The following PRDM11 variants were observed in gnomAD, a reference collection of about 807,000 sequenced individuals.
PRDM11 encodes PR domain-containing protein 11.
A neutral mutation model predicts 97.8 loss-of-function variants in PRDM11; 20 were observed. That is an observed-to-expected ratio of 0.20 (90% CI 0.14 to 0.30). PRDM11 has a LOEUF of 0.30. Among genes scored for constraint, PRDM11 ranks in the 10% least tolerant of loss-of-function variants. The pLI is 1.00. For synonymous variants in PRDM11, 599 were observed against 637.7 expected, an observed-to-expected ratio of 0.94 and a Z score of 0.91; for missense variants, 1,139 against 1,555.2, an observed-to-expected ratio of 0.73 and a Z score of 4.50.
chr11:45,105,535 G>A (rs1199193133), intron 1 of PRDM11, among the ~76,000 whole-genome samples: 1 of 152,232 alleles, frequency 6.6e-6, no homozygotes, highest in Non-Finnish European at 1.5e-5. Context: ...CCTCATCACT[G>A]TGAGAGGGCC....
intron 1 of PRDM11, among the ~76,000 whole-genome samples, chr11:45,108,426 T>C (rs192592015): frequency 3.9e-5 from 6 of 152,298 alleles, no homozygotes; most frequent in Admixed American, 3.9e-4. Flanking sequence ...CTTCTGGGGT[T>C]AAATATTTCA....
In PRDM11 at chr11:45,229,483, G is replaced by C. The variant is rs112451092; in HGVS notation, c.*1324G>C. The C allele has an allele frequency of 4.7e-5, 7 of 147,758 alleles. No individual in the cohort carries two copies. The highest frequency in any genetic ancestry group is 6.8e-5 in the Admixed American group (1 of 14,806). The allele number at this position is 147,758 out of a possible 1,614,324, so 9.2% of individuals were successfully genotyped here. A position where few individuals can be genotyped will look rare whatever the true frequency, so the allele number is the denominator to read the frequency against. On this transcript the variant is annotated 3_prime_UTR_variant, in exon 8 of 8. Transcript: ENST00000683152. ...CTACACAGACACACACACACACACA[G>C]ACACACACACACACACAGACACACA...
At chr11:45,218,998 T>G (rs1854034404) in intron 5 of PRDM11, among the ~76,000 whole-genome samples, 1 of 152,250 alleles carries the variant, frequency 6.6e-6, no homozygotes, top group African/African-American at 2.4e-5. Context: ...TGTCAACCTT[T>G]TGTAGTCTGT....
intron 4 of PRDM11, 107 bp from the exon 5 acceptor site, chr11:45,204,604 G>T: frequency 1.0e-6 from 1 of 992,042 alleles, no homozygotes; most frequent in Non-Finnish European, 1.6e-6. Flanking sequence ...CAGGGGGAGG[G>T]GGAGGGAGCA....
intron 1 of PRDM11, among the ~76,000 whole-genome samples, chr11:45,157,063 G>C (rs925946233): frequency 6.6e-6 from 1 of 152,164 alleles, no homozygotes; most frequent in Non-Finnish European, 1.5e-5. Flanking sequence ...CGGGGGAGCT[G>C]TCGGTGGTTT....
intron 1 of PRDM11, among the ~76,000 whole-genome samples, chr11:45,158,864 C>A (rs750676372): frequency 1.3e-5 from 2 of 152,140 alleles, no homozygotes; most frequent in Non-Finnish European, 2.9e-5. Context: ...CTCAGCAAGA[C>A]CTCCTAATCA....
At chr11:45,135,812 G>A (rs771861072) in intron 1 of PRDM11, among the ~76,000 whole-genome samples, 3 of 152,140 alleles carry the variant, frequency 2.0e-5, no homozygotes, top group African/African-American at 4.8e-5. Context: ...CCCATAATCC[G>A]AGTCTAACGA....
At chr11:45,124,548 AG>A (rs1461728757) in intron 1 of PRDM11, among the ~76,000 whole-genome samples, 6 of 152,240 alleles carry the variant, frequency 3.9e-5, no homozygotes, top group African/African-American at 1.2e-4. Context: ...TTTAGCACGA[AG>A]GGTTGTTGAA....
At chr11:45,095,804 C>A, upstream of PRDM11, 3 of 759,796 alleles carry the variant, frequency 3.9e-6, no homozygotes, top group Non-Finnish European at 7.3e-6. Context: ...AGGTAGGGTT[C>A]AATGTTGAAG....
chr11:45,195,849 T>C (rs906756463), intron 4 of PRDM11, among the ~76,000 whole-genome samples: 3 of 152,190 alleles, frequency 2.0e-5, no homozygotes, highest in Non-Finnish European at 2.9e-5. Context: ...GTGCTGGGGT[T>C]ACAGGCATGA....
At chr11:45,097,308 G>T (rs1590333821) in intron 1 of PRDM11, among the ~76,000 whole-genome samples, 1 of 152,308 alleles carries the variant, frequency 6.6e-6, no homozygotes, top group East Asian at 1.9e-4. Context: ...TGAAGGCACT[G>T]GACTAGGTTC....
rs116188681 is a variant in PRDM11, at chr11:45,104,366, G to A, written c.96+8465G>A. On this transcript the variant is annotated intron_variant, in intron 1 of 6. Transcript: ENST00000530656. ...CTGGGTCTGAATTCAGGATCCTCTG[G>A]ATGAAAGGGGGCAAGCTGCTTCTCA... 5.2e-3 allele frequency among the ~76,000 whole-genome samples: 787 copies of A among 152,308 alleles called. 7 individuals carry two copies. The highest frequency in any genetic ancestry group is 0.018 in the African/African-American group (744 of 41,550).
chr11:45,095,121 G>A (rs1851871329), upstream of PRDM11, among the ~76,000 whole-genome samples: 1 of 152,136 alleles, frequency 6.6e-6, no homozygotes, highest in Admixed American at 6.5e-5. Flanking sequence ...CTGCCACCCT[G>A]TCTGCTGGGA....
rs1854478786 is a variant in PRDM11, at chr11:45,235,029, A to G, written c.*6870A>G. 1 of 152,256 alleles carries G rather than the reference A, an allele frequency of 6.6e-6. No homozygotes were observed. The highest frequency in any genetic ancestry group is 2.4e-5 in the African/African-American group (1 of 41,464). 9.4% of individuals were successfully genotyped at this position (152,256 alleles called of 1,614,324 possible). A position where few individuals can be genotyped will look rare whatever the true frequency, so the allele number is the denominator to read the frequency against. On this transcript the variant is annotated 3_prime_UTR_variant, in exon 8 of 8. Transcript: ENST00000683152. ...ACAAATAGAGCTATGTTGGTTTATC[A>G]TAATATGTACGCAGAAACTTTCTTT...
chr11:45,233,128 T>C lies in PRDM11; in HGVS notation c.*4969T>C, dbSNP rs1854431974. The C allele has an allele frequency of 6.6e-6, 1 of 152,238 alleles. No homozygotes were observed. The highest frequency in any genetic ancestry group is 2.4e-5 in the African/African-American group (1 of 41,456). 9.4% of individuals were successfully genotyped at this position (152,238 alleles called of 1,614,324 possible). ...AAATAATATCCTATATATTTATACA[T>C]TTCTATGTTTTAAATAGATATAAAA... is the stretch of plus-strand genomic sequence containing the variant. On this transcript the variant is annotated 3_prime_UTR_variant, in exon 8 of 8. Coordinates refer to ENST00000683152, the MANE Select transcript of PRDM11 (RefSeq NM_001384648.1).
At chr11:45,212,961 C>G (rs772758519) in intron 5 of PRDM11, 10 of 395,190 alleles carry the variant, frequency 2.5e-5, no homozygotes, top group Admixed American at 2.7e-5. Context: ...GCCCAAGCCC[C>G]CCTGCCAGAG....
intron 1 of PRDM11, among the ~76,000 whole-genome samples, chr11:45,167,759 CCACACACA>C (rs34333065): frequency 0.028 from 4,027 of 143,222 alleles, 64 homozygotes; most frequent in South Asian, 0.044. Flanking sequence ...TCATTTCACA[CCACACACA>C]CACACACACA....
At chr11:45,142,298 G>A (rs1211709947), upstream of PRDM11, among the ~76,000 whole-genome samples, 2 of 152,082 alleles carry the variant, frequency 1.3e-5, no homozygotes, top group Non-Finnish European at 2.9e-5. Context: ...TGCACCCTGG[G>A]CACACTAGCC....
chr11:45,227,806 A>G lies in PRDM11; in HGVS notation c.3181A>G (p.Ile1061Val). Reference protein sequence around the residue: ...KNGFKDLISHICKYKQRFPLL... With the variant: ...KNGFKDLISHVCKYKQRFPLL... Reference sequence around the variant, plus strand: ...TGGCTTCAAAGACCTGATCAGCCACATTTGCAAGTACAAACAGAGGTTTCC... The same window carrying G: ...TGGCTTCAAAGACCTGATCAGCCACGTTTGCAAGTACAAACAGAGGTTTCC... Residue 1061 changes from isoleucine (I) to valine (V), a missense_variant, in exon 8 of 8, where the codon ATT (isoleucine) becomes GTT (valine). By Grantham distance (29) the Ile-to-Val change is conservative. Coordinates refer to ENST00000683152, the MANE Select transcript of PRDM11 (RefSeq NM_001384648.1). The surrounding 1 kb of genome is among the most constrained non-coding windows in gnomAD (Gnocchi z 8.0). 6.5e-7 allele frequency: 1 copy of G among 1,533,956 alleles called. No individual in the cohort carries two copies. Among genetic ancestry groups the G allele is most frequent in the Non-Finnish European group, 8.7e-7 (1 of 1,146,730 alleles).
Sources: gnomAD v4.1 joint callset for allele counts (sites outside exome capture counted in the v4.1 genomes callset) on GRCh38, gnomAD v4.1.1 for gene constraint, Gnocchi (gnomAD v3.1) non-coding constraint, MANE v1.5 for transcripts, NCBI Gene and HGNC (gene_info 2026-07-23, HGNC 2026-07-21) for gene names.